The following VWC2L variants were observed in gnomAD, a reference collection of about 807,000 sequenced individuals.
VWC2L encodes the protein von Willebrand factor C domain-containing protein 2-like.
VWC2L carries 10 observed loss-of-function variants against 21.6 expected under a neutral mutation model. That is an observed-to-expected ratio of 0.46 (90% CI 0.29 to 0.78). The LOEUF (loss-of-function observed/expected upper bound fraction) is 0.78, where lower values mean the gene tolerates loss of function less well. Ranked by LOEUF, VWC2L falls within the 30% of genes least tolerant of loss-of-function variation. VWC2L has a pLI of 0.10. For missense variants in VWC2L, 209 were observed against 277.1 expected, an observed-to-expected ratio of 0.75 and a Z score of 1.74; for synonymous variants, 96 against 94.3, an observed-to-expected ratio of 1.02 and a Z score of -0.10.
intron 3 of VWC2L, among the ~76,000 whole-genome samples, chr2:214,509,463 C>G (rs554033134): frequency 3.6e-5 from 2 of 55,026 alleles, no homozygotes; most frequent in Non-Finnish European, 1.1e-4. Flanking sequence ...AACTTTGCTA[C>G]TTAAAAAAAA....
intron 3 of VWC2L, among the ~76,000 whole-genome samples, chr2:214,493,569 T>C (rs1450597552): frequency 6.6e-6 from 1 of 152,164 alleles, no homozygotes; most frequent in African/African-American, 2.4e-5. Flanking sequence ...TGGCCACTAT[T>C]GGTTTTCTAT....
intron 3 of VWC2L, among the ~76,000 whole-genome samples, chr2:214,440,533 T>C (rs983775867): frequency 1.3e-5 from 2 of 152,076 alleles, no homozygotes; most frequent in African/African-American, 4.8e-5. Flanking sequence ...ACAGCATCTG[T>C]TTAAAGAAAA....
intron 2 of VWC2L, among the ~76,000 whole-genome samples, chr2:214,426,543 A>G (rs1156718324): frequency 6.6e-6 from 1 of 152,236 alleles, no homozygotes; most frequent in African/African-American, 2.4e-5. Flanking sequence ...AGTATCTTGC[A>G]CATGCATTTC....
At chr2:214,564,552 C>T (rs1009209499) in intron 3 of VWC2L, among the ~76,000 whole-genome samples, 1 of 152,070 alleles carries the variant, frequency 6.6e-6, no homozygotes, top group African/African-American at 2.4e-5. Context: ...GTAGTGGCTA[C>T]TGAATAGGCA....
At position 214,414,496 on chromosome 2, in the gene VWC2L, A is replaced by G; in HGVS notation, c.303A>G (p.Glu101=). 1 of 1,613,586 alleles carries G rather than the reference A, an allele frequency of 6.2e-7. No homozygotes were observed. Among genetic ancestry groups the G allele is most frequent in the Non-Finnish European group, 8.5e-7 (1 of 1,179,714 alleles). ...TTCACCCAAAGTGTACTAAAGTGGA[A>G]CACAATGGATGCTGTCCTGAGTGCA... ...PKIHPKCTKV[E]HNGCCPECKE... The change falls in exon 2 of 4, where the codon GAA becomes GAG. Residue 101 remains glutamate, a synonymous_variant. Coordinates refer to ENST00000312504, the MANE Select transcript of VWC2L (RefSeq NM_001080500.4).
intron 2 of VWC2L, among the ~76,000 whole-genome samples, chr2:214,432,300 T>C (rs1008919119): frequency 1.3e-5 from 2 of 152,170 alleles, no homozygotes; most frequent in Non-Finnish European, 2.9e-5. Context: ...TTAGAATCTA[T>C]GAGGACAGGA....
intron 3 of VWC2L, among the ~76,000 whole-genome samples, chr2:214,528,318 C>T (rs1689376039): frequency 6.6e-6 from 1 of 152,146 alleles, no homozygotes; most frequent in Non-Finnish European, 1.5e-5. Flanking sequence ...AATTCACAAC[C>T]TCTTGAGGTA....
chr2:214,421,084 T>C (rs1250554561), intron 2 of VWC2L, among the ~76,000 whole-genome samples: 1 of 152,200 alleles, frequency 6.6e-6, no homozygotes, highest in Admixed American at 6.5e-5. Context: ...GTAATTTCAT[T>C]CCAGAGATTA....
chr2:214,527,100 A>G (rs936110993), intron 3 of VWC2L, among the ~76,000 whole-genome samples: 13 of 152,182 alleles, frequency 8.5e-5, no homozygotes, highest in African/African-American at 3.1e-4. Flanking sequence ...CTTTGCAGCA[A>G]CATGAATGCA....
At chr2:214,495,437 A>G (rs1307987528) in intron 3 of VWC2L, among the ~76,000 whole-genome samples, 1 of 152,108 alleles carries the variant, frequency 6.6e-6, no homozygotes, top group African/African-American at 2.4e-5. Flanking sequence ...CTTAACTTCA[A>G]TGATTTCGAT....
intron 3 of VWC2L, among the ~76,000 whole-genome samples, chr2:214,524,494 G>C (rs190888360): frequency 6.6e-6 from 1 of 152,190 alleles, no homozygotes; most frequent in Admixed American, 6.5e-5. Context: ...TAAACTAGAA[G>C]GACCTCTGAC....
intron 3 of VWC2L, among the ~76,000 whole-genome samples, chr2:214,543,448 A>T (rs146527021): frequency 1.4e-4 from 21 of 152,340 alleles, no homozygotes; most frequent in African/African-American, 4.6e-4. Context: ...AACCAAGATA[A>T]TCTAATCAAT....
intron 3 of VWC2L, among the ~76,000 whole-genome samples, chr2:214,524,975 G>T (rs1689305866): frequency 6.7e-6 from 1 of 149,296 alleles, no homozygotes; most frequent in African/African-American, 2.5e-5. Flanking sequence ...GTACAAGACA[G>T]GGCCACAGAC....
chr2:214,467,683 G>A (rs1272362842), intron 3 of VWC2L, among the ~76,000 whole-genome samples: 1 of 152,128 alleles, frequency 6.6e-6, no homozygotes, highest in Non-Finnish European at 1.5e-5. Context: ...GCTCCATTCA[G>A]TCTGTCACAA....
chr2:214,560,083 G>C (rs1479426443), intron 3 of VWC2L, among the ~76,000 whole-genome samples: 1 of 152,122 alleles, frequency 6.6e-6, no homozygotes, highest in Non-Finnish European at 1.5e-5. Flanking sequence ...TATACATTTT[G>C]TGGACTCTTA....
At chr2:214,461,834 G>A (rs943688695) in intron 3 of VWC2L, among the ~76,000 whole-genome samples, 6 of 152,172 alleles carry the variant, frequency 3.9e-5, no homozygotes, top group African/African-American at 1.2e-4. Context: ...CCCGCAACCA[G>A]GACAGTCGCA....
At chr2:214,424,093 G>C (rs983685081) in intron 2 of VWC2L, among the ~76,000 whole-genome samples, 2 of 152,006 alleles carry the variant, frequency 1.3e-5, no homozygotes, top group African/African-American at 4.8e-5. Flanking sequence ...CAGATTCCTT[G>C]ACCTTTCCAT....
intron 3 of VWC2L, among the ~76,000 whole-genome samples, chr2:214,561,345 C>T (rs1462771518): frequency 6.6e-6 from 1 of 152,156 alleles, no homozygotes; most frequent in Admixed American, 6.6e-5. Flanking sequence ...CTCTTGGCCA[C>T]CTGTCATCTC....
chr2:214,498,162 C>T (rs1055813700), intron 3 of VWC2L, among the ~76,000 whole-genome samples: 1 of 152,138 alleles, frequency 6.6e-6, no homozygotes, highest in African/African-American at 2.4e-5. Flanking sequence ...GGCCATTTAT[C>T]ACTCCACCCA....
Sources: gnomAD v4.1 joint callset for allele counts (sites outside exome capture counted in the v4.1 genomes callset) on GRCh38, gnomAD v4.1.1 for gene constraint, MANE v1.5 for transcripts, NCBI Gene and HGNC (gene_info 2026-07-23, HGNC 2026-07-21) for gene names.